Variants in HPSE2 observed in about 807,000 individuals in gnomAD.
HPSE2 encodes heparanase 2 (inactive).
In HPSE2, 38 loss-of-function variants were observed where a neutral mutation model predicts 60.5. The ratio of observed to expected loss-of-function variants is 0.63; its 90% CI spans 0.48 to 0.82. HPSE2 has a LOEUF of 0.82. HPSE2 is among the 40% of genes least tolerant of loss of function. HPSE2 has a pLI of 0.00. For synonymous variants in HPSE2, 295 were observed against 293.2 expected (o/e 1.01, Z -0.06); for missense variants, 713 against 740.4 (o/e 0.96, Z 0.43).
intron 9 of HPSE2, among the ~76,000 whole-genome samples, chr10:98,554,053 T>C (rs490590): frequency 0.86 from 131,028 of 152,132 alleles, 57,357 homozygotes; most frequent in East Asian, 1. Flanking sequence ...TGTCATGTCA[T>C]TATAATAATA....
chr10:98,493,781 A>G (rs1241068080), intron 9 of HPSE2, among the ~76,000 whole-genome samples: 1 of 152,160 alleles, frequency 6.6e-6, no homozygotes, highest in Non-Finnish European at 1.5e-5. Context: ...AGTTTAATCA[A>G]TTTACATTTA....
intron 3 of HPSE2, among the ~76,000 whole-genome samples, chr10:99,089,153 G>T (rs1303759629): frequency 6.6e-6 from 1 of 152,076 alleles, no homozygotes; most frequent in Non-Finnish European, 1.5e-5. Context: ...TATTTCTTTT[G>T]CTGTGCAGAT....
intron 11 of HPSE2, among the ~76,000 whole-genome samples, chr10:98,480,423 C>T (rs1357722010): frequency 2.0e-5 from 3 of 152,132 alleles, no homozygotes; most frequent in African/African-American, 7.2e-5. Flanking sequence ...CACAACTCCT[C>T]ACTATTATGG....
At position 99,201,479 on chromosome 10, in the gene HPSE2, T is replaced by G. The variant is rs974728746; in HGVS notation, c.448+30869A>C. On this transcript the variant is annotated intron_variant, in intron 2 of 11. Coordinates refer to ENST00000370552, the MANE Select transcript of HPSE2 (RefSeq NM_021828.5). ...ACAATCCTTCCTTGACTCCCTATTGTTTAAAGAAAAATCAAATCCCCTTAT... is the reference window on the plus strand; with the variant it reads ...ACAATCCTTCCTTGACTCCCTATTGGTTAAAGAAAAATCAAATCCCCTTAT... 3.3e-5 allele frequency among the ~76,000 whole-genome samples: 5 copies of G among 152,228 alleles called. No homozygotes were observed. In the East Asian group the frequency reaches 9.7e-4, roughly 29 times the overall value.
chr10:99,024,596 C>T (rs774156776), intron 3 of HPSE2, among the ~76,000 whole-genome samples: 12 of 151,992 alleles, frequency 7.9e-5, no homozygotes, highest in Non-Finnish European at 1.2e-4. Flanking sequence ...GCAGATTTAA[C>T]CCAAAGAAGA....
chr10:99,044,530 C>A (rs375513521), intron 3 of HPSE2, among the ~76,000 whole-genome samples: 4 of 152,242 alleles, frequency 2.6e-5, no homozygotes, highest in South Asian at 4.1e-4. Flanking sequence ...TGTAAATGAA[C>A]TGAACACCCC....
intron 9 of HPSE2, among the ~76,000 whole-genome samples, chr10:98,501,379 G>C (rs142638671): frequency 6.6e-6 from 1 of 152,202 alleles, no homozygotes; most frequent in South Asian, 2.1e-4. Context: ...TACTAGGGAT[G>C]TAGGAATGGT....
intron 3 of HPSE2, among the ~76,000 whole-genome samples, chr10:98,790,248 C>T (rs1297429229): frequency 6.6e-6 from 1 of 152,068 alleles, no homozygotes; most frequent in African/African-American, 2.4e-5. Flanking sequence ...TAAGTTGATT[C>T]CATACCTTGG....
At chr10:99,287,477 T>C in the HPSE2 span, among the ~76,000 whole-genome samples, 2 of 152,058 alleles carry the variant, frequency 1.3e-5, no homozygotes, top group African/African-American at 4.8e-5. Flanking sequence ...AGCTCAGTCA[T>C]TGGCTGGGAG....
At chr10:99,150,733 G>A (rs1846228523) in intron 2 of HPSE2, among the ~76,000 whole-genome samples, 1 of 152,150 alleles carries the variant, frequency 6.6e-6, no homozygotes, top group East Asian at 1.9e-4. Flanking sequence ...ATGCAAGGGA[G>A]CCCCAACATA....
chr10:99,198,067 C>CA (rs554156519), intron 2 of HPSE2, among the ~76,000 whole-genome samples: 8,068 of 116,954 alleles, frequency 0.069, 259 homozygotes, highest in East Asian at 0.16. Context: ...GACTCCGTCT[C>CA]AAAAAAAAAA....
At chr10:98,538,881 C>T (rs187705191) in intron 9 of HPSE2, among the ~76,000 whole-genome samples, 9 of 152,280 alleles carry the variant, frequency 5.9e-5, no homozygotes, top group Admixed American at 3.9e-4. Context: ...CATAAGCATA[C>T]GCATTTGCGG....
chr10:98,687,593 G>T (rs1382970495), intron 6 of HPSE2, among the ~76,000 whole-genome samples: 1 of 152,184 alleles, frequency 6.6e-6, no homozygotes. Flanking sequence ...TTAGAATGCA[G>T]ATATCTTTGG....
chr10:98,743,801 G>A, intron 4 of HPSE2, 82 bp downstream of exon 4: 1 of 1,250,706 alleles, frequency 8.0e-7, no homozygotes, highest in Non-Finnish European at 1.2e-6. Flanking sequence ...TACTAGAGAT[G>A]GTCTGATTGA....
chr10:98,762,733 A>G (rs1014753788), intron 3 of HPSE2, among the ~76,000 whole-genome samples: 1 of 152,110 alleles, frequency 6.6e-6, no homozygotes, highest in Non-Finnish European at 1.5e-5. Context: ...AATGGGACAC[A>G]GGTTCTGACA....
intron 3 of HPSE2, among the ~76,000 whole-genome samples, chr10:99,114,968 G>GT (rs936398538): frequency 2.9e-4 from 43 of 150,768 alleles, no homozygotes; most frequent in African/African-American, 9.7e-4. Flanking sequence ...ATATCCTTTA[G>GT]TTTTTTTTGT....
At chr10:98,972,872 T>C (rs1009342607) in intron 3 of HPSE2, among the ~76,000 whole-genome samples, 12 of 152,200 alleles carry the variant, frequency 7.9e-5, no homozygotes, top group African/African-American at 2.7e-4. Flanking sequence ...TTCTTCTTAA[T>C]GTATTTATAA....
At chr10:99,053,375 AG>A (rs1464639695) in intron 3 of HPSE2, among the ~76,000 whole-genome samples, 19 of 152,144 alleles carry the variant, frequency 1.2e-4, no homozygotes, top group Admixed American at 7.2e-4. Flanking sequence ...CAGTACAAAA[AG>A]TTATAGCTAA....
chr10:99,007,592 C>T (rs1956923175), intron 3 of HPSE2, among the ~76,000 whole-genome samples: 1 of 152,088 alleles, frequency 6.6e-6, no homozygotes, highest in Non-Finnish European at 1.5e-5. Flanking sequence ...CATATTCTGC[C>T]ATCTTGCTGA....
Sources: gnomAD v4.1 joint callset for allele counts (sites outside exome capture counted in the v4.1 genomes callset) on GRCh38, gnomAD v4.1.1 for gene constraint, MANE v1.5 for transcripts, NCBI Gene and HGNC (gene_info 2026-07-23, HGNC 2026-07-21) for gene names.